Variants in FANCB observed in about 807,000 individuals in gnomAD.
FANCB encodes FA complementation group B.
In FANCB, 5 loss-of-function variants were observed where a neutral mutation model predicts 38.9. The observed-to-expected ratio is 0.13, with a 90% confidence interval of 0.07 to 0.27. The LOEUF is 0.27. Ranked by LOEUF, FANCB falls within the 10% of genes least tolerant of loss-of-function variation. The probability of loss-of-function intolerance (pLI) is 1.00; values close to 1 mark genes in which losing one functional copy is unlikely to be tolerated. For synonymous variants in FANCB, 236 were observed against 215.4 expected, an observed-to-expected ratio of 1.10 and a Z score of -0.84; for missense variants, 573 against 602.7, an observed-to-expected ratio of 0.95 and a Z score of 0.52.
chrX:14,813,945 C>G, the FANCB span, among the ~76,000 whole-genome samples: 159 of 111,807 alleles, frequency 1.4e-3, 1 homozygote, highest in Non-Finnish European at 2.0e-3. Flanking sequence ...GCTACAGTAA[C>G]CAAAACAGCA....
At chrX:14,729,417 T>C in the FANCB span, among the ~76,000 whole-genome samples, 4 of 111,221 alleles carry the variant, frequency 3.6e-5, no homozygotes, top group African/African-American at 1.3e-4. Flanking sequence ...TCCCATACAT[T>C]TTTCTCTAAG....
chrX:14,869,686 C>T (rs1273174433), intron 1 of FANCB, among the ~76,000 whole-genome samples: 1 of 112,162 alleles, frequency 8.9e-6, no homozygotes, highest in Non-Finnish European at 1.9e-5. Flanking sequence ...TTGCCTTTCT[C>T]AATAGACCTG....
the FANCB span, among the ~76,000 whole-genome samples, chrX:14,729,450 G>C: frequency 9.0e-6 from 1 of 110,821 alleles, no homozygotes; most frequent in African/African-American, 3.3e-5. Context: ...TTACACCAAG[G>C]AATAAATACA....
At chrX:14,787,977 A>G in the FANCB span, among the ~76,000 whole-genome samples, 8 of 98,508 alleles carry the variant, frequency 8.1e-5, no homozygotes, top group East Asian at 2.3e-3. Context: ...GACTAAATAA[A>G]ACTTCAACCT....
At chrX:14,806,938 AAAG>A in the FANCB span, among the ~76,000 whole-genome samples, 2 of 111,851 alleles carry the variant, frequency 1.8e-5, no homozygotes, top group African/African-American at 6.5e-5. Context: ...AATTTACAAA[AAAG>A]GTATATTGTT....
the FANCB span, among the ~76,000 whole-genome samples, chrX:14,723,229 G>T: frequency 1.8e-5 from 2 of 111,946 alleles, no homozygotes; most frequent in African/African-American, 6.5e-5. Context: ...TCCTCTTTTG[G>T]TGTCTTCTTT....
chrX:14,797,774 G>A, the FANCB span, among the ~76,000 whole-genome samples: 1 of 110,119 alleles, frequency 9.1e-6, no homozygotes, highest in Non-Finnish European at 1.9e-5. Context: ...TTTGCTTCTT[G>A]AAGAAAGGAA....
the FANCB span, among the ~76,000 whole-genome samples, chrX:14,754,265 A>G: frequency 8.9e-6 from 1 of 112,677 alleles, no homozygotes; most frequent in Non-Finnish European, 1.9e-5. Context: ...ATTATGAACT[A>G]TATGCCAACA....
the FANCB span, among the ~76,000 whole-genome samples, chrX:14,768,677 G>C: frequency 9.0e-6 from 1 of 111,186 alleles, no homozygotes; most frequent in African/African-American, 3.3e-5. Flanking sequence ...GATTGCCCTG[G>C]CCAGAACTTC....
At chrX:14,857,738 C>A in intron 5 of FANCB, 124 bp downstream of exon 5, 1 of 541,142 alleles carries the variant, frequency 1.8e-6, no homozygotes. Context: ...GATAAAGATC[C>A]TTTGAAATAC....
chrX:14,870,712 T>A (rs2092492339), intron 1 of FANCB, among the ~76,000 whole-genome samples: 1 of 111,766 alleles, frequency 8.9e-6, no homozygotes, highest in South Asian at 3.7e-4. Flanking sequence ...AAATATGTTG[T>A]TCATTCTTTT....
the FANCB span, among the ~76,000 whole-genome samples, chrX:14,747,494 C>A: frequency 1.8e-4 from 20 of 112,675 alleles, no homozygotes; most frequent in East Asian, 5.6e-3. Flanking sequence ...TTTAAAAAAA[C>A]TACATTTATG....
intron 7 of FANCB, among the ~76,000 whole-genome samples, chrX:14,849,380 A>C (rs2147401684): frequency 9.0e-6 from 1 of 111,610 alleles, no homozygotes; most frequent in Admixed American, 9.5e-5. Flanking sequence ...CATATCTCAA[A>C]CCCACTAGAT....
At chrX:14,801,790 T>G in the FANCB span, among the ~76,000 whole-genome samples, 8 of 110,742 alleles carry the variant, frequency 7.2e-5, no homozygotes, top group South Asian at 1.6e-3. Context: ...ACAGTTCATG[T>G]AGCCACCCTT....
At chrX:14,775,160 G>GTTTTTTTTTTTTTT in the FANCB span, among the ~76,000 whole-genome samples, 1 of 35,001 alleles carries the variant, frequency 2.9e-5, no homozygotes, top group Non-Finnish European at 6.0e-5. Flanking sequence ...TTTCTCTAAT[G>GTTTTTTTTTTTTTT]TTTTTTTTTT....
chrX:14,843,274 C>T, downstream of FANCB: 2 of 259,282 alleles, frequency 7.7e-6, no homozygotes, highest in Non-Finnish European at 6.8e-6. Flanking sequence ...TCTCCTCTAT[C>T]CACTAGATGC....
chrX:14,759,600 A>C, the FANCB span, among the ~76,000 whole-genome samples: 2 of 111,527 alleles, frequency 1.8e-5, no homozygotes, highest in Non-Finnish European at 3.8e-5. Flanking sequence ...ATCAGCCAAG[A>C]ATTTTGTATC....
the FANCB span, chrX:14,730,992 T>C: frequency 1.8e-5 from 2 of 111,393 alleles, no homozygotes; most frequent in South Asian, 3.8e-4. Flanking sequence ...GTGACTAGCC[T>C]ATAGTGAGTC....
chrX:14,764,686 G>C, the FANCB span, among the ~76,000 whole-genome samples: 1 of 111,402 alleles, frequency 9.0e-6, no homozygotes, highest in Admixed American at 9.5e-5. Context: ...CCACAACATA[G>C]ATGTGGGAGC....
Sources: gnomAD v4.1 joint callset for allele counts (sites outside exome capture counted in the v4.1 genomes callset) on GRCh38, gnomAD v4.1.1 for gene constraint, MANE v1.5 for transcripts, NCBI Gene and HGNC (gene_info 2026-07-23, HGNC 2026-07-21) for gene names.